Variants in SRGAP3 observed in about 807,000 individuals in gnomAD.
SRGAP3 encodes SLIT-ROBO Rho GTPase activating protein 3, also known as SLIT-ROBO Rho GTPase-activating protein 3.
In SRGAP3, 39 loss-of-function variants were observed where a neutral mutation model predicts 121.1. That is an observed-to-expected ratio of 0.32 (90% CI 0.25 to 0.42). SRGAP3 has a LOEUF of 0.42. Among genes scored for constraint, SRGAP3 ranks in the 10% least tolerant of loss-of-function variants. The probability of loss-of-function intolerance (pLI) is 1.00; values close to 1 mark genes in which losing one functional copy is unlikely to be tolerated. For synonymous variants in SRGAP3, 601 were observed against 570.0 expected (o/e 1.05, Z -0.77); for missense variants, 1,213 against 1,470.6 (o/e 0.82, Z 2.86).
chr3:9,026,542 T>A (rs73813264), intron 13 of SRGAP3, among the ~76,000 whole-genome samples: 2 of 152,362 alleles, frequency 1.3e-5, no homozygotes, highest in Admixed American at 1.3e-4. Flanking sequence ...TTGCGGTTTT[T>A]GCCATTCAAA....
At chr3:9,340,102 A>AATTGTGCTGTGTGG (rs1487275744) in intron 1 of SRGAP3, among the ~76,000 whole-genome samples, 1 of 152,190 alleles carries the variant, frequency 6.6e-6, no homozygotes, top group Non-Finnish European at 1.5e-5. Flanking sequence ...ATTGGATTTA[A>AATTGTGCTGTGTGG]AGGTATCTAC....
At chr3:9,314,925 C>G (rs1057270684) in intron 3 of SRGAP3, among the ~76,000 whole-genome samples, 3 of 152,196 alleles carry the variant, frequency 2.0e-5, no homozygotes, top group African/African-American at 7.2e-5. Flanking sequence ...TTGGCAAATT[C>G]CCAGCACATT....
chr3:9,041,613 T>C (rs890836542), intron 10 of SRGAP3, among the ~76,000 whole-genome samples: 2 of 152,310 alleles, frequency 1.3e-5, no homozygotes, highest in Middle Eastern at 3.4e-3. Flanking sequence ...GTCTAGTACT[T>C]TGCAGATGCT....
chr3:9,089,158 G>T (rs1328417713), intron 3 of SRGAP3, among the ~76,000 whole-genome samples: 2 of 152,084 alleles, frequency 1.3e-5, no homozygotes, highest in East Asian at 3.9e-4. Context: ...CAAAGTGCTG[G>T]GATTACAGGT....
intron 18 of SRGAP3, among the ~76,000 whole-genome samples, chr3:8,997,395 A>T (rs1265425072): frequency 6.6e-6 from 1 of 152,128 alleles, no homozygotes; most frequent in Non-Finnish European, 1.5e-5. Flanking sequence ...ATACTTGCTT[A>T]GGTAGAGCCG....
intron 2 of SRGAP3, among the ~76,000 whole-genome samples, chr3:9,114,854 C>A (rs1469591954): frequency 6.6e-6 from 1 of 152,188 alleles, no homozygotes; most frequent in Admixed American, 6.5e-5. Context: ...ATCTTCTAAG[C>A]ACCCCACACA....
Position 8,985,276 on chromosome 3 carries a change from G to T in SRGAP3, c.*243C>A. The T allele has an allele frequency of 1.3e-6, 1 of 756,838 alleles. No individual in the cohort carries two copies. The highest frequency in any genetic ancestry group is 2.0e-6 in the Non-Finnish European group (1 of 497,608). The allele number at this position is 756,838 out of a possible 1,614,324, so 46.9% of individuals were successfully genotyped here. On this transcript the variant is annotated 3_prime_UTR_variant, in exon 22 of 22. Coordinates refer to ENST00000383836, the MANE Select transcript of SRGAP3 (RefSeq NM_014850.4). This position sits in a 1 kb window ranked among gnomAD's most constrained non-coding sequence, Gnocchi z 5.1. ...CTCCATGTTAGGGAATGCTGTGGTT[G>T]GGGCTGCTGGAGCTCCAGCACTCCT...
chr3:9,114,298 C>T (rs532069780), intron 2 of SRGAP3, among the ~76,000 whole-genome samples: 68 of 152,310 alleles, frequency 4.5e-4, no homozygotes, highest in African/African-American at 1.5e-3. Flanking sequence ...TCAAACCCTG[C>T]ACATAATAGT....
chr3:9,356,787 C>G (rs1208253734), intron 1 of SRGAP3, among the ~76,000 whole-genome samples: 1 of 151,946 alleles, frequency 6.6e-6, no homozygotes, highest in Non-Finnish European at 1.5e-5. Context: ...GGATTACAGC[C>G]ATGAGCCACT....
At chr3:9,189,137 C>A (rs1951682250) in intron 1 of SRGAP3, among the ~76,000 whole-genome samples, 1 of 152,178 alleles carries the variant, frequency 6.6e-6, no homozygotes, top group Non-Finnish European at 1.5e-5. Flanking sequence ...ATAATTTGGT[C>A]CTGTCCACTC....
chr3:9,201,833 A>G (rs113581071), intron 1 of SRGAP3, among the ~76,000 whole-genome samples: 60 of 152,218 alleles, frequency 3.9e-4, no homozygotes, highest in African/African-American at 1.4e-3. Flanking sequence ...AAAGACACCA[A>G]CATTTCATGA....
chr3:9,261,717 C>T (rs367576619), intron 3 of SRGAP3, among the ~76,000 whole-genome samples: 2 of 151,804 alleles, frequency 1.3e-5, no homozygotes, highest in Non-Finnish European at 2.9e-5. Flanking sequence ...ACCAAACCTA[C>T]GTTTGATTGG....
chr3:9,292,362 T>C (rs932565145), intron 3 of SRGAP3, among the ~76,000 whole-genome samples: 11 of 152,170 alleles, frequency 7.2e-5, no homozygotes, highest in Non-Finnish European at 1.5e-4. Context: ...ATCAATCCTA[T>C]ACATCGTTCA....
intron 8 of SRGAP3, among the ~76,000 whole-genome samples, chr3:9,054,252 C>CAAAAAGTAA (rs773795548): frequency 6.6e-6 from 1 of 152,036 alleles, no homozygotes; most frequent in Non-Finnish European, 1.5e-5. Context: ...TTCATTATAC[C>CAAAAAGTAA]CTCCTCCTTT....
At chr3:9,031,962 T>C (rs995897468) in intron 12 of SRGAP3, among the ~76,000 whole-genome samples, 9 of 152,296 alleles carry the variant, frequency 5.9e-5, no homozygotes, top group Non-Finnish European at 8.8e-5. Flanking sequence ...CCATTATATC[T>C]GATATGGCTT....
intron 1 of SRGAP3, among the ~76,000 whole-genome samples, chr3:9,206,576 A>G (rs1952273276): frequency 6.6e-6 from 1 of 152,150 alleles, no homozygotes; most frequent in Non-Finnish European, 1.5e-5. Flanking sequence ...CTCCTGCCAC[A>G]GCAGCCTCCT....
At chr3:9,227,219 G>A (rs1260838183) in intron 1 of SRGAP3, among the ~76,000 whole-genome samples, 4 of 152,190 alleles carry the variant, frequency 2.6e-5, no homozygotes, top group Non-Finnish European at 5.9e-5. Context: ...TCATTTTTAA[G>A]TGTTGGAAAT....
chr3:9,221,492 G>T (rs1197635466), intron 1 of SRGAP3, among the ~76,000 whole-genome samples: 1 of 152,072 alleles, frequency 6.6e-6, no homozygotes, highest in Non-Finnish European at 1.5e-5. Context: ...AGCTATGAGG[G>T]CACCACCATA....
chr3:9,091,968 C>A (rs183136951), intron 3 of SRGAP3, among the ~76,000 whole-genome samples: 1 of 152,054 alleles, frequency 6.6e-6, no homozygotes, highest in Non-Finnish European at 1.5e-5. Context: ...TTAGGTCTTC[C>A]TACTGTTGCC....
Sources: allele counts gnomAD v4.1 joint callset (sites outside exome capture counted in the v4.1 genomes callset), GRCh38; gene constraint gnomAD v4.1.1; non-coding constraint Gnocchi (gnomAD v3.1); transcripts MANE v1.5; gene names NCBI Gene and HGNC (gene_info 2026-07-23, HGNC 2026-07-21).